Variants in VTI1A observed in about 807,000 individuals in gnomAD.
VTI1A encodes the protein vesicle transport through interaction with t-SNAREs 1A, also known as vesicle transport through interaction with t-SNAREs homolog 1A.
VTI1A carries 22 observed loss-of-function variants against 34.9 expected under a neutral mutation model. The ratio of observed to expected loss-of-function variants is 0.63; its 90% CI spans 0.45 to 0.90. The LOEUF is 0.90. Ranked by LOEUF, VTI1A falls within the 40% of genes least tolerant of loss-of-function variation. VTI1A has a pLI of 0.00. For synonymous variants in VTI1A, 87 were observed against 97.3 expected (o/e 0.89, Z 0.62); for missense variants, 268 against 275.6 (o/e 0.97, Z 0.20).
At chr10:112,747,906 G>A (rs938538281) in intron 7 of VTI1A, among the ~76,000 whole-genome samples, 2 of 152,146 alleles carry the variant, frequency 1.3e-5, no homozygotes, top group African/African-American at 4.8e-5. Context: ...CATATGGCCC[G>A]GCTGGAGGGT....
intron 3 of VTI1A, among the ~76,000 whole-genome samples, chr10:112,509,733 G>A (rs1849546603): frequency 6.6e-6 from 1 of 152,202 alleles, no homozygotes; most frequent in African/African-American, 2.4e-5. Flanking sequence ...CGTCTGTGAA[G>A]AGCTATTATG....
chr10:112,583,362 TG>T (rs1844025083), intron 5 of VTI1A, among the ~76,000 whole-genome samples: 1 of 152,226 alleles, frequency 6.6e-6, no homozygotes, highest in South Asian at 2.1e-4. Flanking sequence ...GCCATTTCTC[TG>T]TTGGATATGT....
At chr10:112,642,734 G>T (rs564929696) in intron 5 of VTI1A, among the ~76,000 whole-genome samples, 3 of 152,076 alleles carry the variant, frequency 2.0e-5, no homozygotes. Context: ...TGGGGAGACA[G>T]GCATGACCCC....
chr10:112,677,832 A>G (rs549201782), intron 7 of VTI1A: 3 of 152,354 alleles, frequency 2.0e-5, no homozygotes, highest in South Asian at 2.1e-4. Flanking sequence ...AGGAGTTGCT[A>G]TAGGACCAGT....
intron 5 of VTI1A, among the ~76,000 whole-genome samples, chr10:112,607,212 G>T (rs1026000734): frequency 2.0e-5 from 3 of 151,788 alleles, no homozygotes; most frequent in Non-Finnish European, 4.4e-5. Context: ...ACTTGAACCC[G>T]GGAGGCAGAG....
In VTI1A at chr10:112,815,392, C is replaced by G; in HGVS notation, c.*9C>G. ...CTGTCAGAAGACACTGATGTATCTG[C>G]TCTCCCTTGATAAACAGCAACAACA... On this transcript the variant is annotated 3_prime_UTR_variant, in exon 8 of 8. Transcript: ENST00000393077. 6.2e-7 allele frequency: 1 copy of G among 1,608,422 alleles called. No individual in the cohort carries two copies. The highest frequency in any genetic ancestry group is 8.5e-7 in the Non-Finnish European group (1 of 1,174,888).
At chr10:112,619,662 G>A (rs1207114258) in intron 5 of VTI1A, among the ~76,000 whole-genome samples, 4 of 152,260 alleles carry the variant, frequency 2.6e-5, no homozygotes, top group South Asian at 2.1e-4. Flanking sequence ...GCACACAATC[G>A]TCATTCTCCT....
intron 3 of VTI1A, among the ~76,000 whole-genome samples, chr10:112,474,282 T>C (rs888508745): frequency 6.6e-6 from 1 of 152,104 alleles, no homozygotes; most frequent in South Asian, 2.1e-4. Flanking sequence ...CTCGATCTCC[T>C]GACCTTGTGA....
chr10:112,810,088 G>A (rs1004521098), intron 7 of VTI1A, among the ~76,000 whole-genome samples: 3 of 151,560 alleles, frequency 2.0e-5, no homozygotes, highest in Admixed American at 1.3e-4. Flanking sequence ...AGAAAGGGTG[G>A]TTTGATTTAA....
At chr10:112,648,933 T>C (rs1846903741) in intron 5 of VTI1A, among the ~76,000 whole-genome samples, 1 of 152,200 alleles carries the variant, frequency 6.6e-6, no homozygotes, top group Non-Finnish European at 1.5e-5. Flanking sequence ...TATTAAGAGG[T>C]TTCTGGCTTT....
chr10:112,773,125 G>T (rs756076570), intron 7 of VTI1A, among the ~76,000 whole-genome samples: 2 of 152,176 alleles, frequency 1.3e-5, no homozygotes, highest in Admixed American at 6.5e-5. Context: ...AATAAAAAGA[G>T]AATTGACTTT....
At chr10:112,722,174 G>A (rs1409221746) in intron 7 of VTI1A, among the ~76,000 whole-genome samples, 1 of 152,170 alleles carries the variant, frequency 6.6e-6, no homozygotes, top group Middle Eastern at 3.2e-3. Context: ...GTTTGTAAAA[G>A]GTTAGAACAG....
chr10:112,554,523 T>C (rs944296167), intron 5 of VTI1A, among the ~76,000 whole-genome samples: 3 of 152,182 alleles, frequency 2.0e-5, no homozygotes, highest in Non-Finnish European at 4.4e-5. Context: ...GCATAATTTT[T>C]TTGTAAATCT....
At position 112,516,527 on chromosome 10, in the gene VTI1A, A is replaced by T. The variant is rs150829926; in HGVS notation, c.265-10560A>T. The stretch of plus-strand genomic sequence containing the variant: ...AAAAGGTATCTCCTTTTCTGCCCAA[A>T]ATGAGGAGCTGAGACTTTGGACCTA... On this transcript the variant is annotated intron_variant, in intron 3 of 7. Transcript: ENST00000393077. Among the ~76,000 whole-genome samples, 21 of 152,152 alleles carry T rather than the reference A, an allele frequency of 1.4e-4. 1 individual carries two copies. The East Asian group carries it at 3.7e-3, about 27-fold the overall frequency.
At chr10:112,473,233 C>T (rs1589806470) in intron 3 of VTI1A, among the ~76,000 whole-genome samples, 1 of 151,732 alleles carries the variant, frequency 6.6e-6, no homozygotes, top group Non-Finnish European at 1.5e-5. Context: ...CTCAGCCTCC[C>T]GAGTAGCTAG....
intron 7 of VTI1A, among the ~76,000 whole-genome samples, chr10:112,696,094 T>TA (rs1848775676): frequency 1.4e-5 from 2 of 145,170 alleles, no homozygotes; most frequent in African/African-American, 5.1e-5. Context: ...GAGAGAATGA[T>TA]TATATATATA....
At chr10:112,456,220 AGAT>A (rs1847518689) in intron 1 of VTI1A, among the ~76,000 whole-genome samples, 1 of 152,120 alleles carries the variant, frequency 6.6e-6, no homozygotes, top group Admixed American at 6.5e-5. Context: ...CAGGAGTTTG[AGAT>A]GACCCTGACC....
At chr10:112,648,025 C>T (rs1846871996) in intron 5 of VTI1A, among the ~76,000 whole-genome samples, 1 of 152,194 alleles carries the variant, frequency 6.6e-6, no homozygotes, top group African/African-American at 2.4e-5. Flanking sequence ...CCGCCTCAGC[C>T]TCCCAAAGTG....
At chr10:112,482,913 A>T (rs1848500422) in intron 3 of VTI1A, among the ~76,000 whole-genome samples, 1 of 152,212 alleles carries the variant, frequency 6.6e-6, no homozygotes, top group South Asian at 2.1e-4. Context: ...AACTCAAGGT[A>T]TTCTGTCTTT....
Sources: gnomAD v4.1 joint callset for allele counts (sites outside exome capture counted in the v4.1 genomes callset) on GRCh38, gnomAD v4.1.1 for gene constraint, MANE v1.5 for transcripts, NCBI Gene and HGNC (gene_info 2026-07-23, HGNC 2026-07-21) for gene names.